Variants in MBNL2 observed in about 807,000 individuals in gnomAD.
The protein encoded by MBNL2 is muscleblind like splicing regulator 2, also known as muscleblind-like protein 2.
MBNL2 carries 17 observed loss-of-function variants against 41.9 expected under a neutral mutation model. That is an observed-to-expected ratio of 0.41 (90% CI 0.28 to 0.61). The LOEUF (loss-of-function observed/expected upper bound fraction) is 0.61, where lower values mean the gene tolerates loss of function less well. MBNL2 is among the 20% of genes least tolerant of loss of function. The pLI, the probability that MBNL2 is intolerant of heterozygous loss-of-function variation, is 0.35. For missense variants in MBNL2, 336 were observed against 505.6 expected (o/e 0.66, Z 3.22); for synonymous variants, 195 against 182.9 (o/e 1.07, Z -0.53).
At chr13:97,252,005 C>T (rs981395559) in intron 1 of MBNL2, among the ~76,000 whole-genome samples, 11 of 150,612 alleles carry the variant, frequency 7.3e-5, no homozygotes, top group Admixed American at 4.0e-4. Context: ...CGCCCGCCAC[C>T]GCGCCCGGCT....
chr13:97,223,433 G>A (rs1418252038), intron 1 of MBNL2, among the ~76,000 whole-genome samples: 4 of 152,216 alleles, frequency 2.6e-5, no homozygotes. Context: ...GCCCTTTTCC[G>A]TTTTAAATTT....
At chr13:97,151,512 G>A in the MBNL2 span, among the ~76,000 whole-genome samples, 1 of 152,102 alleles carries the variant, frequency 6.6e-6, no homozygotes, top group Non-Finnish European at 1.5e-5. Flanking sequence ...AAGCAACTAG[G>A]GCTCTAATTT....
chr13:97,328,259 G>A (rs894003257), intron 2 of MBNL2, among the ~76,000 whole-genome samples: 7 of 147,486 alleles, frequency 4.7e-5, no homozygotes, highest in African/African-American at 1.5e-4. Flanking sequence ...TCCAGAGCAA[G>A]AGCCTTTGTC....
At chr13:97,360,367 A>G (rs2063303144) in intron 7 of MBNL2, among the ~76,000 whole-genome samples, 1 of 152,130 alleles carries the variant, frequency 6.6e-6, no homozygotes, top group East Asian at 1.9e-4. Context: ...TAAGATAATT[A>G]TTGCCCTGCT....
the MBNL2 span, among the ~76,000 whole-genome samples, chr13:97,206,656 A>C: frequency 1.3e-5 from 2 of 152,206 alleles, no homozygotes; most frequent in African/African-American, 2.4e-5. Flanking sequence ...GCACATGCTA[A>C]TAGTGAGAGA....
the MBNL2 span, among the ~76,000 whole-genome samples, chr13:97,144,423 CTT>C: frequency 0.059 from 6,943 of 117,276 alleles, 150 homozygotes; most frequent in African/African-American, 0.14. Flanking sequence ...CATGATACTT[CTT>C]TTTTTTTTTT....
intron 1 of MBNL2, among the ~76,000 whole-genome samples, chr13:97,241,230 T>TC (rs1261991872): frequency 5.9e-5 from 9 of 152,100 alleles, no homozygotes; most frequent in Non-Finnish European, 1.3e-4. Flanking sequence ...TCCTTTTTTT[T>TC]CCCCACTGAG....
Position 97,235,771 on chromosome 13 carries a change from A to C in MBNL2, c.-605+13240A>C, listed in dbSNP as rs562567602. Among the ~76,000 whole-genome samples, 3 of 152,254 alleles carry C rather than the reference A, an allele frequency of 2.0e-5. No homozygotes were observed. The East Asian group carries it at 5.8e-4, about 29-fold the overall frequency. The stretch of plus-strand genomic sequence containing the variant: ...CCTGGGGCCCAGAGCTGCAGACGCT[A>C]GAGGGGCATCGGCCTGGGAGTGAGG... On this transcript the variant is annotated intron_variant, in intron 1 of 8. Transcript: ENST00000679496.
At position 97,299,907 on chromosome 13, in the gene MBNL2, A is replaced by T. The variant is rs895811153; in HGVS notation, c.174+23498A>T. On this transcript the variant is annotated intron_variant, in intron 2 of 8. Coordinates refer to ENST00000679496, the MANE Select transcript of MBNL2 (RefSeq NM_001382683.1). ...CCCAACAATCATATGGCTTTTAACC[A>T]TATGGCCTAAACCAGTGAGCAAAAA... Among the ~76,000 whole-genome samples the T allele has an allele frequency of 2.0e-5, 3 of 152,334 alleles. No individual in the cohort carries two copies. The East Asian group carries it at 5.8e-4, about 29-fold the overall frequency.
chr13:97,231,075 T>G (rs2042313803), intron 1 of MBNL2, among the ~76,000 whole-genome samples: 1 of 152,226 alleles, frequency 6.6e-6, no homozygotes. Flanking sequence ...TTGACACTTG[T>G]CATCCTGTTC....
intron 3 of MBNL2, among the ~76,000 whole-genome samples, chr13:97,335,079 GACC>G (rs2060762709): frequency 6.6e-6 from 1 of 152,196 alleles, no homozygotes; most frequent in Non-Finnish European, 1.5e-5. Context: ...TGACAGTTCT[GACC>G]ATTGTCACAA....
the MBNL2 span, among the ~76,000 whole-genome samples, chr13:97,203,914 A>ATGGG: frequency 7.2e-5 from 11 of 152,008 alleles, no homozygotes; most frequent in Admixed American, 1.3e-4. Context: ...GGATGGATGG[A>ATGGG]TGGACGGACG....
At chr13:97,235,605 C>A (rs1228837850) in intron 1 of MBNL2, among the ~76,000 whole-genome samples, 2 of 152,202 alleles carry the variant, frequency 1.3e-5, no homozygotes, top group Non-Finnish European at 2.9e-5. Context: ...TCTCTTCCTT[C>A]CAGTTTGATA....
chr13:97,228,836 C>T (rs1192365458), intron 1 of MBNL2, among the ~76,000 whole-genome samples: 1 of 151,978 alleles, frequency 6.6e-6, no homozygotes, highest in Non-Finnish European at 1.5e-5. Context: ...GGCCTATTAT[C>T]TCTTTTAATG....
chr13:97,255,712 T>C (rs541132401), intron 1 of MBNL2, among the ~76,000 whole-genome samples: 1 of 152,360 alleles, frequency 6.6e-6, no homozygotes, highest in South Asian at 2.1e-4. Flanking sequence ...GTTGATCTTT[T>C]ATTCAAGAAA....
At chr13:97,286,993 T>C (rs1337745846) in intron 2 of MBNL2, among the ~76,000 whole-genome samples, 1 of 152,242 alleles carries the variant, frequency 6.6e-6, no homozygotes, top group Admixed American at 6.5e-5. Context: ...TGAAGAAATG[T>C]ATCCTTATAT....
At chr13:97,348,666 A>G (rs972170607) in intron 5 of MBNL2, among the ~76,000 whole-genome samples, 7 of 152,174 alleles carry the variant, frequency 4.6e-5, no homozygotes, top group African/African-American at 1.7e-4. Context: ...GAAATAGTTA[A>G]TCGGGTCCAG....
chr13:97,355,302 A>T (rs1220799080), intron 5 of MBNL2, among the ~76,000 whole-genome samples: 2 of 151,912 alleles, frequency 1.3e-5, no homozygotes, highest in African/African-American at 2.4e-5. Context: ...TCCCCTCCAT[A>T]GCTCTCCCCT....
At chr13:97,349,482 T>C (rs1337738935) in intron 5 of MBNL2, among the ~76,000 whole-genome samples, 1 of 152,168 alleles carries the variant, frequency 6.6e-6, no homozygotes, top group Admixed American at 6.5e-5. Context: ...AATTGGTGTG[T>C]TGATTGATGG....
Sources: gnomAD v4.1 joint callset for allele counts (sites outside exome capture counted in the v4.1 genomes callset) on GRCh38, gnomAD v4.1.1 for gene constraint, MANE v1.5 for transcripts, NCBI Gene and HGNC (gene_info 2026-07-23, HGNC 2026-07-21) for gene names.